LCLAT1: variants seen among roughly 807,000 people sequenced by gnomAD.
The protein encoded by LCLAT1 is 1-AGP acyltransferase 8.
In LCLAT1, 11 loss-of-function variants were observed where a neutral mutation model predicts 30.7. That is an observed-to-expected ratio of 0.36 (90% CI 0.23 to 0.59). The LOEUF (loss-of-function observed/expected upper bound fraction) is 0.59. Ranked by LOEUF, LCLAT1 falls within the 20% of genes least tolerant of loss-of-function variation. LCLAT1 has a pLI of 0.77. For missense variants in LCLAT1, 402 were observed against 458.6 expected, an observed-to-expected ratio of 0.88 and a Z score of 1.13; for synonymous variants, 155 against 151.3, an observed-to-expected ratio of 1.02 and a Z score of -0.18.
intron 1 of LCLAT1, among the ~76,000 whole-genome samples, chr2:30,492,085 A>G (rs771017254): frequency 6.6e-6 from 1 of 152,216 alleles, no homozygotes; most frequent in South Asian, 2.1e-4. Flanking sequence ...TTTAACTTGT[A>G]GCCTAAAATT....
intron 5 of LCLAT1, among the ~76,000 whole-genome samples, chr2:30,613,541 A>G (rs1175913696): frequency 6.6e-6 from 1 of 150,386 alleles, no homozygotes; most frequent in Non-Finnish European, 1.5e-5. Context: ...TTTGGAAAAG[A>G]AAAAGACACA....
rs567067240 is a variant in LCLAT1 at position 30,533,389 on chromosome 2, G to T, written c.364+75G>T. ...TGCACCCACTGTAAAACTGACTTAA[G>T]CATTAAAGCGATTCCATTTTTTTCC... On this transcript the variant is annotated intron_variant, in intron 3 of 5. Coordinates refer to ENST00000379509, the MANE Select transcript of LCLAT1 (RefSeq NM_001002257.3). 106 of 1,269,544 alleles carry T rather than the reference G, an allele frequency of 8.3e-5. No homozygotes were observed. The East Asian group carries it at 2.5e-3, about 29-fold the overall frequency. The allele number at this position is 1,269,544 out of a possible 1,614,324, so 78.6% of individuals were successfully genotyped here. A position where few individuals can be genotyped will look rare whatever the true frequency, so the allele number is the denominator to read the frequency against.
At chr2:30,525,383 A>G (rs890648549) in intron 1 of LCLAT1, among the ~76,000 whole-genome samples, 5 of 152,116 alleles carry the variant, frequency 3.3e-5, no homozygotes, top group Admixed American at 2.6e-4. Flanking sequence ...ACCAGAGAAT[A>G]TCAATTTCTA....
chr2:30,602,996 T>G (rs1419135214), intron 5 of LCLAT1, among the ~76,000 whole-genome samples: 1 of 152,216 alleles, frequency 6.6e-6, no homozygotes, highest in African/African-American at 2.4e-5. Context: ...ATTCCATGTC[T>G]TATTAGCTGT....
intron 3 of LCLAT1, among the ~76,000 whole-genome samples, chr2:30,538,116 A>C (rs1391771578): frequency 6.6e-6 from 1 of 152,190 alleles, no homozygotes; most frequent in Non-Finnish European, 1.5e-5. Flanking sequence ...AAATGCCTAC[A>C]TCAAAAAAGT....
intron 5 of LCLAT1, among the ~76,000 whole-genome samples, chr2:30,571,705 C>T (rs1665788473): frequency 1.3e-5 from 2 of 152,166 alleles, no homozygotes; most frequent in African/African-American, 4.8e-5. Flanking sequence ...ATACTGGGTG[C>T]ATTATATATC....
chr2:30,519,484 C>T (rs577159965), intron 1 of LCLAT1, among the ~76,000 whole-genome samples: 1 of 152,254 alleles, frequency 6.6e-6, no homozygotes, highest in African/African-American at 2.4e-5. Context: ...CTTGGGTTTT[C>T]CTGTTGAGAG....
chr2:30,468,219 T>C (rs1454318595), intron 1 of LCLAT1, among the ~76,000 whole-genome samples: 2 of 152,250 alleles, frequency 1.3e-5, no homozygotes, highest in African/African-American at 4.8e-5. Context: ...TCCCCATTTC[T>C]TGTTTTTGTT....
chr2:30,566,374 A>G (rs1487647116), intron 4 of LCLAT1, among the ~76,000 whole-genome samples: 1 of 152,154 alleles, frequency 6.6e-6, no homozygotes, highest in Admixed American at 6.5e-5. Flanking sequence ...AGCTGTCTAT[A>G]ATATAAATAT....
intron 5 of LCLAT1, among the ~76,000 whole-genome samples, chr2:30,615,162 G>C (rs1667935751): frequency 6.6e-6 from 1 of 152,114 alleles, no homozygotes; most frequent in African/African-American, 2.4e-5. Context: ...ATAATATGTT[G>C]ATGGTCAAGA....
chr2:30,566,743 G>T (rs1349515415), intron 4 of LCLAT1, among the ~76,000 whole-genome samples: 3 of 152,116 alleles, frequency 2.0e-5, no homozygotes, highest in Non-Finnish European at 4.4e-5. Context: ...CAGCAGTTGA[G>T]GCCAAATTTC....
At chr2:30,504,868 C>T (rs545595122) in intron 1 of LCLAT1, among the ~76,000 whole-genome samples, 1 of 152,292 alleles carries the variant, frequency 6.6e-6, no homozygotes, top group South Asian at 2.1e-4. Context: ...TTCTTCTAGA[C>T]AGATCTCTGT....
intron 5 of LCLAT1, among the ~76,000 whole-genome samples, chr2:30,636,873 A>G (rs1465480028): frequency 1.3e-5 from 2 of 152,216 alleles, no homozygotes; most frequent in Non-Finnish European, 2.9e-5. Flanking sequence ...ATTGACTGTG[A>G]CACTCACGTA....
At chr2:30,551,321 G>A (rs1329256386) in intron 3 of LCLAT1, among the ~76,000 whole-genome samples, 1 of 152,128 alleles carries the variant, frequency 6.6e-6, no homozygotes, top group African/African-American at 2.4e-5. Flanking sequence ...AGTGCCTGAA[G>A]GTTGGCTCTT....
chr2:30,581,223 T>A (rs560509829), intron 5 of LCLAT1, among the ~76,000 whole-genome samples: 1 of 152,298 alleles, frequency 6.6e-6, no homozygotes, highest in South Asian at 2.1e-4. Context: ...TGACTTGACA[T>A]GCCTCACAGT....
At chr2:30,456,154 T>C (rs1417392441) in intron 1 of LCLAT1, among the ~76,000 whole-genome samples, 1 of 152,210 alleles carries the variant, frequency 6.6e-6, no homozygotes, top group Non-Finnish European at 1.5e-5. Flanking sequence ...AACTGATCCA[T>C]TGACACACAA....
intron 5 of LCLAT1, among the ~76,000 whole-genome samples, chr2:30,608,349 C>G (rs1056716186): frequency 6.6e-6 from 1 of 151,076 alleles, no homozygotes; most frequent in African/African-American, 2.4e-5. Flanking sequence ...TTACAGTAAG[C>G]TAAGGTTAAT....
intron 5 of LCLAT1, among the ~76,000 whole-genome samples, chr2:30,630,160 A>G (rs1668703614): frequency 2.6e-5 from 4 of 152,196 alleles, no homozygotes; most frequent in South Asian, 4.2e-4. Flanking sequence ...CTCACGTGAT[A>G]TTCTTTGGAC....
At chr2:30,519,710 G>A (rs1302274096) in intron 1 of LCLAT1, among the ~76,000 whole-genome samples, 3 of 152,130 alleles carry the variant, frequency 2.0e-5, no homozygotes, top group African/African-American at 4.8e-5. Flanking sequence ...GAGAGCACCC[G>A]GGGAGGGACA....
Sources: allele counts gnomAD v4.1 joint callset (sites outside exome capture counted in the v4.1 genomes callset), GRCh38; gene constraint gnomAD v4.1.1; transcripts MANE v1.5; gene names NCBI Gene and HGNC (gene_info 2026-07-23, HGNC 2026-07-21).